STK32B: variants seen among roughly 807,000 people sequenced by gnomAD.
STK32B encodes serine/threonine-protein kinase 32B.
In STK32B, 43 loss-of-function variants were observed where a neutral mutation model predicts 52.6. The observed-to-expected ratio is 0.82, with a 90% CI of 0.64 to 1.05. STK32B has a LOEUF of 1.05. Ranked by LOEUF, STK32B falls within the 50% of genes least tolerant of loss-of-function variation. The pLI, the probability that STK32B is intolerant of heterozygous loss-of-function variation, is 0.00. For synonymous variants in STK32B, 238 were observed against 204.3 expected (o/e 1.17, Z -1.41); for missense variants, 621 against 534.6 (o/e 1.16, Z -1.59).
At chr4:5,163,744 G>T (rs923164361) in intron 2 of STK32B, among the ~76,000 whole-genome samples, 2 of 152,216 alleles carry the variant, frequency 1.3e-5, no homozygotes, top group Non-Finnish European at 2.9e-5. Context: ...CAGAGCAGAG[G>T]TGGGGTAGCC....
chr4:5,243,254 T>G (rs1725174418), intron 3 of STK32B, among the ~76,000 whole-genome samples: 2 of 152,218 alleles, frequency 1.3e-5, no homozygotes, highest in African/African-American at 4.8e-5. Flanking sequence ...TTCATTTCAT[T>G]GAGCAGTGGT....
chr4:5,224,820 TATG>T (rs1313627361), intron 3 of STK32B, among the ~76,000 whole-genome samples: 1 of 152,208 alleles, frequency 6.6e-6, no homozygotes, highest in Admixed American at 6.5e-5. Flanking sequence ...ATAGAGTTGA[TATG>T]ATTAATTAAT....
chr4:5,055,795 ATGT>A (rs1401476812), intron 1 of STK32B, among the ~76,000 whole-genome samples: 1 of 151,712 alleles, frequency 6.6e-6, no homozygotes, highest in Non-Finnish European at 1.5e-5. Flanking sequence ...CTCCAGGAAA[ATGT>A]TGTTGACTCA....
At chr4:5,254,805 T>C (rs1017231512) in intron 3 of STK32B, among the ~76,000 whole-genome samples, 15 of 152,176 alleles carry the variant, frequency 9.9e-5, no homozygotes, top group Non-Finnish European at 4.4e-5. Context: ...ACACAGTTTT[T>C]TAGGTTTTAC....
At chr4:5,183,011 A>C (rs1033235554) in intron 3 of STK32B, among the ~76,000 whole-genome samples, 1 of 152,210 alleles carries the variant, frequency 6.6e-6, no homozygotes, top group African/African-American at 2.4e-5. Flanking sequence ...CTGTAATCAG[A>C]TGTGCTGTCT....
intron 1 of STK32B, among the ~76,000 whole-genome samples, chr4:5,077,076 G>C (rs1166674063): frequency 6.6e-6 from 1 of 152,108 alleles, no homozygotes; most frequent in African/African-American, 2.4e-5. Flanking sequence ...ATACATCCCT[G>C]AACTGTAAGC....
chr4:5,115,262 A>G (rs887219877), intron 1 of STK32B, among the ~76,000 whole-genome samples: 6 of 152,148 alleles, frequency 3.9e-5, no homozygotes, highest in African/African-American at 7.2e-5. Context: ...GCCTCACACA[A>G]TGATTTGCAC....
intron 3 of STK32B, among the ~76,000 whole-genome samples, chr4:5,301,404 CT>C (rs1729545483): frequency 6.6e-6 from 1 of 152,000 alleles, no homozygotes; most frequent in Non-Finnish European, 1.5e-5. Context: ...GGGCTTTACT[CT>C]GTGACTATTT....
chr4:5,489,997 A>G (rs1430296928), intron 11 of STK32B, among the ~76,000 whole-genome samples: 2 of 152,174 alleles, frequency 1.3e-5, no homozygotes, highest in Non-Finnish European at 1.5e-5. Flanking sequence ...GAATTTTGTC[A>G]TTGGATAGTA....
At chr4:5,178,508 A>G (rs1335277606) in intron 3 of STK32B, among the ~76,000 whole-genome samples, 2 of 152,210 alleles carry the variant, frequency 1.3e-5, no homozygotes, top group African/African-American at 4.8e-5. Flanking sequence ...CTCATTACTT[A>G]TGCAAATTTC....
At chr4:5,457,560 A>G (rs963471159) in intron 8 of STK32B, among the ~76,000 whole-genome samples, 2 of 150,646 alleles carry the variant, frequency 1.3e-5, no homozygotes, top group African/African-American at 2.4e-5. Context: ...TTTTCACTCA[A>G]TGACCTTTAA....
chr4:5,320,031 A>G (rs1731383302), intron 3 of STK32B, among the ~76,000 whole-genome samples: 1 of 152,222 alleles, frequency 6.6e-6, no homozygotes, highest in Non-Finnish European at 1.5e-5. Context: ...CTTTGCATTT[A>G]CAGGAAAGCA....
intron 1 of STK32B, among the ~76,000 whole-genome samples, chr4:5,064,335 A>G (rs2108761078): frequency 7.0e-6 from 1 of 142,372 alleles, no homozygotes; most frequent in South Asian, 2.1e-4. Context: ...CTGTACTTAC[A>G]TAAACATAAT....
chr4:5,386,223 C>G lies in STK32B; in HGVS notation c.435-11984C>G, dbSNP rs558210924. Among the ~76,000 whole-genome samples the G allele has an allele frequency of 6.6e-6, 1 of 152,066 alleles. No homozygotes were observed. The highest frequency in any genetic ancestry group is 1.5e-5 in the Non-Finnish European group (1 of 68,030). The stretch of plus-strand genomic sequence containing the variant: ...TCCCCCTCTATTTCCCTCAGCGTAT[C>G]ATATTATGCAGTTTTATCTTTGACT... On this transcript the variant is annotated intron_variant, in intron 4 of 11. Coordinates refer to ENST00000282908, the MANE Select transcript of STK32B (RefSeq NM_018401.3). This position sits in a 1 kb window ranked among gnomAD's most constrained non-coding sequence, Gnocchi z 4.5.
intron 5 of STK32B, among the ~76,000 whole-genome samples, chr4:5,412,260 G>A (rs926031847): frequency 4.6e-5 from 7 of 152,172 alleles, no homozygotes; most frequent in South Asian, 2.1e-4. Context: ...AAACCAGTTC[G>A]TATTTTCACA....
In STK32B at chr4:5,498,949, A is replaced by C. The variant is rs1324868540; in HGVS notation, c.1111A>C (p.Arg371=). ...EFIIFNREKL[R]RQQGQGSQLL... ...CAGATCTGTGCTTGTTTGCAGGCTCAGGAGGCAGCAGGGACAGGGCAGCCA... is the reference window on the plus strand; with the variant it reads ...CAGATCTGTGCTTGTTTGCAGGCTCCGGAGGCAGCAGGGACAGGGCAGCCA... The change falls in exon 12 of 12, where the codon AGG becomes CGG. Residue 371 remains arginine (R), a synonymous_variant. Coordinates refer to ENST00000282908, the MANE Select transcript of STK32B (RefSeq NM_018401.3). 1 of 1,611,670 alleles carries C rather than the reference A, an allele frequency of 6.2e-7. No individual in the cohort carries two copies. The highest frequency in any genetic ancestry group is 8.5e-7 in the Non-Finnish European group (1 of 1,178,750).
At chr4:5,178,903 C>G (rs1291021386) in intron 3 of STK32B, among the ~76,000 whole-genome samples, 2 of 152,218 alleles carry the variant, frequency 1.3e-5, no homozygotes, top group Non-Finnish European at 2.9e-5. Context: ...TCTGAGCCCT[C>G]CAATCTGTTG....
At chr4:5,143,621 C>G (rs1033373370) in intron 2 of STK32B, among the ~76,000 whole-genome samples, 1 of 152,162 alleles carries the variant, frequency 6.6e-6, no homozygotes, top group Non-Finnish European at 1.5e-5. Flanking sequence ...AGTTCACAGA[C>G]ACACCTCTCA....
At chr4:5,440,516 G>A (rs1242366147) in intron 6 of STK32B, among the ~76,000 whole-genome samples, 1 of 152,236 alleles carries the variant, frequency 6.6e-6, no homozygotes, top group East Asian at 1.9e-4. Flanking sequence ...TGAGACAATG[G>A]GGTTTTCTAG....
Sources: allele counts gnomAD v4.1 joint callset (sites outside exome capture counted in the v4.1 genomes callset), GRCh38; gene constraint gnomAD v4.1.1; non-coding constraint Gnocchi (gnomAD v3.1); transcripts MANE v1.5; gene names NCBI Gene and HGNC (gene_info 2026-07-23, HGNC 2026-07-21).